Variants in SNX9 observed in about 807,000 individuals in gnomAD.
SNX9 encodes sorting nexin 9.
A neutral mutation model predicts 89.4 loss-of-function variants in SNX9; 44 were observed. The observed-to-expected ratio is 0.49, with a 90% confidence interval of 0.39 to 0.63. The LOEUF is 0.63. Among genes scored for constraint, SNX9 ranks in the 30% least tolerant of loss-of-function variants. SNX9 has a pLI of 0.00. For missense variants in SNX9, 578 were observed against 736.1 expected, an observed-to-expected ratio of 0.79 and a Z score of 2.49; for synonymous variants, 236 against 247.8, an observed-to-expected ratio of 0.95 and a Z score of 0.45.
At chr6:157,891,903 G>C (rs886290350) in intron 4 of SNX9, among the ~76,000 whole-genome samples, 4 of 152,232 alleles carry the variant, frequency 2.6e-5, no homozygotes, top group African/African-American at 9.6e-5. Flanking sequence ...GTTAGTGGCA[G>C]GTAGGGAGAA....
intron 9 of SNX9, among the ~76,000 whole-genome samples, chr6:157,914,389 TC>T (rs1031481071): frequency 6.6e-5 from 10 of 152,024 alleles, no homozygotes; most frequent in African/African-American, 2.4e-4. Context: ...ATATGTATTT[TC>T]TAGAAACAAG....
Position 157,902,026 on chromosome 6 carries a change from A to C in SNX9, c.601A>C (p.Met201Leu). 3.1e-6 allele frequency: 5 copies of C among 1,613,598 alleles called. No homozygotes were observed. Among genetic ancestry groups the C allele is most frequent in the Non-Finnish European group, 3.4e-6 (4 of 1,179,844 alleles). The change falls in exon 6 of 18, where the codon ATG (methionine) becomes CTG (leucine). Residue 201 changes from methionine to leucine, a missense_variant. This residue lies in a region of SNX9 where 230 missense variants were observed against 244.7 expected (regional missense o/e 0.94). Transcript: ENST00000392185. ...AAACAGTCGTGCTAGTTCCTCATCCATGAAAATTCCCCTTAACAAGTAAGT... is the reference window on the plus strand; with the variant it reads ...AAACAGTCGTGCTAGTTCCTCATCCCTGAAAATTCCCCTTAACAAGTAAGT... ...RGNSRASSSS[M>L]KIPLNKFPGF... is the part of the protein sequence containing the mutation.
At chr6:157,921,212 AT>A (rs1236512777) in intron 9 of SNX9, among the ~76,000 whole-genome samples, 1 of 151,740 alleles carries the variant, frequency 6.6e-6, no homozygotes, top group East Asian at 1.9e-4. Context: ...ATAAGATTTA[AT>A]TTTTTTTTAG....
Position 157,903,400 on chromosome 6 carries a change from T to C in SNX9, c.620+1355T>C, listed in dbSNP as rs565606668. ...TTCTCTTTTGACTGCACACTTTTGC[T>C]GCCTCTTACCCAGTTTCTTCCATTA... On this transcript the variant is annotated intron_variant, in intron 6 of 17. Transcript: ENST00000392185. Among the ~76,000 whole-genome samples, 279 of 152,336 alleles carry C rather than the reference T, an allele frequency of 1.8e-3. 3 individuals carry two copies. The highest frequency in any genetic ancestry group is 5.9e-4 in the Non-Finnish European group (40 of 68,026).
intron 4 of SNX9, among the ~76,000 whole-genome samples, chr6:157,880,265 T>C (rs1368980657): frequency 1.3e-5 from 2 of 152,232 alleles, no homozygotes; most frequent in Non-Finnish European, 2.9e-5. Flanking sequence ...TATAAAGTAG[T>C]GCCGGACACA....
intron 1 of SNX9, among the ~76,000 whole-genome samples, chr6:157,847,308 G>T (rs545072686): frequency 6.6e-6 from 1 of 152,116 alleles, no homozygotes; most frequent in African/African-American, 2.4e-5. Flanking sequence ...TTGCCATGTT[G>T]CCCAGACTGG....
At chr6:157,834,147 GTGGTTTTT>G (rs1427336376) in intron 1 of SNX9, among the ~76,000 whole-genome samples, 1 of 71,232 alleles carries the variant, frequency 1.4e-5, no homozygotes, top group African/African-American at 9.3e-5. Flanking sequence ...GGTGTCCACT[GTGGTTTTT>G]TTTTTTTTTT....
At chr6:157,837,877 C>T (rs571266407) in intron 1 of SNX9, among the ~76,000 whole-genome samples, 136 of 152,238 alleles carry the variant, frequency 8.9e-4, no homozygotes, top group Non-Finnish European at 1.8e-3. Flanking sequence ...CTTGTGGGTT[C>T]CGTGAACAGC....
In SNX9 at chr6:157,908,127, C is replaced by A. The variant is rs190986328; in HGVS notation, c.706-1538C>A. ...ATTAGGACTGGGTATACCTTTTTTTCCTTTTTATGTCTGTCTGGCCTTGCC... is the reference window on the plus strand; with the variant it reads ...ATTAGGACTGGGTATACCTTTTTTTACTTTTTATGTCTGTCTGGCCTTGCC... On this transcript the variant is annotated intron_variant, in intron 7 of 17. Transcript: ENST00000392185. 3.7e-4 allele frequency among the ~76,000 whole-genome samples: 56 copies of A among 151,268 alleles called. 1 individual carries two copies. Among genetic ancestry groups the A allele is most frequent in the African/African-American group, 1.2e-3 (50 of 41,354 alleles).
At chr6:157,923,925 TTATTGA>T (rs897198365) in intron 10 of SNX9, among the ~76,000 whole-genome samples, 4 of 152,214 alleles carry the variant, frequency 2.6e-5, no homozygotes, top group African/African-American at 9.6e-5. Context: ...ATTAAGGTTG[TTATTGA>T]TATTGTTATG....
intron 9 of SNX9, among the ~76,000 whole-genome samples, chr6:157,914,474 T>TTTG (rs1562616554): frequency 7.9e-6 from 1 of 125,872 alleles, no homozygotes; most frequent in Non-Finnish European, 1.7e-5. Flanking sequence ...TTTTTCTTTT[T>TTTG]TTTTTTTTTT....
At chr6:157,907,756 G>A (rs1403685841) in intron 7 of SNX9, among the ~76,000 whole-genome samples, 3 of 152,226 alleles carry the variant, frequency 2.0e-5, no homozygotes, top group Admixed American at 6.5e-5. Context: ...GAAAGCCACC[G>A]CGTCTTCAGG....
chr6:157,906,498 GT>G (rs1783220197), intron 7 of SNX9, among the ~76,000 whole-genome samples: 1 of 151,996 alleles, frequency 6.6e-6, no homozygotes, highest in African/African-American at 2.4e-5. Context: ...ATTTTACATA[GT>G]TTTTCTGCCA....
At chr6:157,877,438 A>G (rs13437624) in intron 4 of SNX9, among the ~76,000 whole-genome samples, 10,230 of 152,322 alleles carry the variant, frequency 0.067, 449 homozygotes, top group Non-Finnish European at 0.11. Context: ...TTTAACTGCT[A>G]TCTCTGCCCT....
chr6:157,850,430 TGACA>T (rs967238256), intron 1 of SNX9, among the ~76,000 whole-genome samples: 7 of 152,196 alleles, frequency 4.6e-5, no homozygotes, highest in African/African-American at 1.4e-4. Context: ...TTTAAGGATG[TGACA>T]GACAGGTGGG....
chr6:157,925,525 A>G (rs1020448749), intron 10 of SNX9, among the ~76,000 whole-genome samples: 3 of 152,110 alleles, frequency 2.0e-5, no homozygotes, highest in Non-Finnish European at 2.9e-5. Context: ...GGAGACATCT[A>G]CATAACAGCT....
chr6:157,938,477 G>A (rs1411982348), intron 15 of SNX9, among the ~76,000 whole-genome samples, 156 bp from the exon 16 acceptor site: 2 of 152,222 alleles, frequency 1.3e-5, no homozygotes, highest in Non-Finnish European at 2.9e-5. Flanking sequence ...GGACTTGAAG[G>A]AAGTTAAATT....
chr6:157,885,605 G>GT lies in SNX9; in HGVS notation c.300+10430dup, dbSNP rs1192922932. On this transcript the variant is annotated intron_variant, in intron 4 of 17. Coordinates refer to ENST00000392185, the MANE Select transcript of SNX9 (RefSeq NM_016224.5). The stretch of plus-strand genomic sequence containing the variant: ...CTACTTCCTAACACAGTTGCACGTG[G>GT]TATAGTCGTAAGATGGGCCGTGGCA... Among the ~76,000 whole-genome samples, 3 of 152,274 alleles carry GT rather than the reference G, an allele frequency of 2.0e-5. No individual in the cohort carries two copies. The East Asian group carries it at 5.8e-4, about 29-fold the overall frequency.
intron 4 of SNX9, among the ~76,000 whole-genome samples, chr6:157,884,417 C>A (rs779638763): frequency 9.9e-5 from 15 of 152,038 alleles, no homozygotes; most frequent in Non-Finnish European, 1.0e-4. Context: ...TTTTGGTAGT[C>A]CATTTAAAAA....
Sources: gnomAD v4.1 joint callset for allele counts (sites outside exome capture counted in the v4.1 genomes callset) on GRCh38, gnomAD v4.1.1 for gene constraint, gnomAD v4.1.1 regional missense constraint, MANE v1.5 for transcripts, NCBI Gene and HGNC (gene_info 2026-07-23, HGNC 2026-07-21) for gene names.